Variants in PCDHGB1 observed in about 807,000 individuals in gnomAD.
PCDHGB1 encodes the protein protocadherin gamma subfamily B, 1.
In PCDHGB1, 34 loss-of-function variants were observed where a neutral mutation model predicts 56.6. The observed-to-expected ratio is 0.60, with a 90% confidence interval of 0.46 to 0.80. The LOEUF (loss-of-function observed/expected upper bound fraction) is 0.80. Among genes scored for constraint, PCDHGB1 ranks in the 30% least tolerant of loss-of-function variants. The pLI is 0.00. For missense variants in PCDHGB1, 1,278 were observed against 1,204.6 expected (o/e 1.06, Z -0.90); for synonymous variants, 561 against 505.9 (o/e 1.11, Z -1.46).
intron 1 of PCDHGB1, among the ~76,000 whole-genome samples, chr5:141,457,975 C>T (rs2098934043): frequency 6.6e-6 from 1 of 152,202 alleles, no homozygotes; most frequent in South Asian, 2.1e-4. Context: ...AAGGGAAACA[C>T]ACCCTTTCAG....
At chr5:141,469,804 T>C (rs1433459377) in intron 1 of PCDHGB1, among the ~76,000 whole-genome samples, 1 of 152,060 alleles carries the variant, frequency 6.6e-6, no homozygotes, top group Non-Finnish European at 1.5e-5. Context: ...TGCAAAAACA[T>C]TGTAGATAGA....
intron 1 of PCDHGB1, among the ~76,000 whole-genome samples, chr5:141,454,343 A>G (rs1161350416): frequency 2.6e-5 from 4 of 152,248 alleles, no homozygotes; most frequent in African/African-American, 7.2e-5. Flanking sequence ...AAATGTTGGA[A>G]GTTGATCCAA....
chr5:141,372,155 G>A (rs1257582169), intron 1 of PCDHGB1: 1 of 1,613,678 alleles, frequency 6.2e-7, no homozygotes, highest in Admixed American at 1.7e-5. Flanking sequence ...CTGGCTACCT[G>A]GTGACCAAGG....
intron 1 of PCDHGB1, among the ~76,000 whole-genome samples, chr5:141,494,397 A>G (rs965158973): frequency 7.2e-5 from 11 of 152,208 alleles, no homozygotes; most frequent in African/African-American, 2.4e-4. Flanking sequence ...GAATAAATTC[A>G]TTCTAGGGCT....
At chr5:141,360,197 T>C (rs777545270) in intron 1 of PCDHGB1, 1 of 1,612,462 alleles carries the variant, frequency 6.2e-7, no homozygotes, top group South Asian at 1.1e-5. Context: ...TTGCCCTTCC[T>C]GTTGTCTTTG....
In PCDHGB1 at chr5:141,491,169, G is replaced by A. The variant is rs374498014; in HGVS notation, c.2410-3638G>A. The A allele has an allele frequency of 1.2e-6, 2 of 1,614,192 alleles. No homozygotes were observed. Among genetic ancestry groups the A allele is most frequent in the African/African-American group, 1.3e-5 (1 of 75,058 alleles). On this transcript the variant is annotated intron_variant, in intron 1 of 3. Transcript: ENST00000523390. The surrounding 1 kb of genome is among the most constrained non-coding windows in gnomAD (Gnocchi z 6.9). ...TGGAGGATGACTCTGACACCCAGCA[G>A]GTGGTGGTCCTGGTGAGGGACAATG...
chr5:141,367,688 C>G (rs1765290329), intron 1 of PCDHGB1: 1 of 152,096 alleles, frequency 6.6e-6, no homozygotes, highest in Admixed American at 6.5e-5. Flanking sequence ...GAGAAGAAAT[C>G]AGTGTAAAGG....
chr5:141,462,009 G>A (rs2099028674), intron 1 of PCDHGB1, among the ~76,000 whole-genome samples: 1 of 152,190 alleles, frequency 6.6e-6, no homozygotes, highest in Admixed American at 6.5e-5. Context: ...TTTTAATAGA[G>A]ACGGGGTTTC....
At chr5:141,410,839 T>G in intron 1 of PCDHGB1, 2 of 481,442 alleles carry the variant, frequency 4.2e-6, no homozygotes, top group Non-Finnish European at 6.8e-6. Context: ...TGAAGATATT[T>G]TGTCTTTGTC....
intron 1 of PCDHGB1, chr5:141,394,523 C>T (rs373702756): frequency 5.0e-6 from 8 of 1,614,234 alleles, no homozygotes; most frequent in Non-Finnish European, 6.8e-6. Context: ...TCCCCACAGA[C>T]GGTTCCACTG....
chr5:141,507,861 C>G (rs538942097), intron 3 of PCDHGB1, among the ~76,000 whole-genome samples: 6 of 152,306 alleles, frequency 3.9e-5, no homozygotes, highest in South Asian at 4.1e-4. Flanking sequence ...CTTTCACACC[C>G]GCTTCCTAGC....
At chr5:141,371,362 A>T in intron 1 of PCDHGB1, 3 of 1,614,014 alleles carry the variant, frequency 1.9e-6, no homozygotes, top group Non-Finnish European at 2.5e-6. Flanking sequence ...GAAGCAAAGG[A>T]TGGTGGACAT....
At chr5:141,452,792 A>AT (rs745523252) in intron 1 of PCDHGB1, among the ~76,000 whole-genome samples, 15 of 152,178 alleles carry the variant, frequency 9.9e-5, no homozygotes, top group Admixed American at 2.0e-4. Context: ...ACATACCATC[A>AT]TTTTTGCTGT....
In PCDHGB1 at chr5:141,490,390, G is replaced by C. The variant is rs2099699651; in HGVS notation, c.2410-4417G>C. The C allele has an allele frequency of 6.2e-7, 1 of 1,614,074 alleles. No individual in the cohort carries two copies. The highest frequency in any genetic ancestry group is 8.5e-7 in the Non-Finnish European group (1 of 1,180,040). On this transcript the variant is annotated intron_variant, in intron 1 of 3. Coordinates refer to ENST00000523390, the MANE Select transcript of PCDHGB1 (RefSeq NM_018922.3). This position sits in a 1 kb window ranked among gnomAD's most constrained non-coding sequence, Gnocchi z 5.4. ...AGACCGGGACTCAGGTAGAAATGGT[G>C]AAGTGAGCCTTGATATCTCTCCGGA... is the stretch of plus-strand genomic sequence containing the variant.
intron 1 of PCDHGB1, chr5:141,421,903 G>A (rs757656265): frequency 6.2e-6 from 10 of 1,613,704 alleles, no homozygotes; most frequent in African/African-American, 1.3e-5. Flanking sequence ...CCGAAAGGGC[G>A]CAGTTCCCAT....
chr5:141,394,514 C>G (rs2093021412), intron 1 of PCDHGB1: 2 of 1,614,230 alleles, frequency 1.2e-6, no homozygotes, highest in South Asian at 1.1e-5. Context: ...ACCCCGCCCT[C>G]CCCACAGACG....
intron 3 of PCDHGB1, among the ~76,000 whole-genome samples, chr5:141,510,415 C>G (rs2099881071): frequency 6.6e-6 from 1 of 152,082 alleles, no homozygotes; most frequent in Admixed American, 6.5e-5. Flanking sequence ...GCATGTAAAG[C>G]CATGGTTTCA....
intron 1 of PCDHGB1, chr5:141,418,511 G>A: frequency 5.6e-6 from 9 of 1,613,974 alleles, no homozygotes; most frequent in Non-Finnish European, 7.6e-6. Context: ...CTTAGATGGT[G>A]GGGACCCTCC....
chr5:141,397,248 T>C (rs2093496152), intron 1 of PCDHGB1, among the ~76,000 whole-genome samples: 1 of 152,168 alleles, frequency 6.6e-6, no homozygotes, highest in South Asian at 2.1e-4. Flanking sequence ...CGTAGTAGGG[T>C]ATATCATTTC....
Sources: gnomAD v4.1 joint callset for allele counts (sites outside exome capture counted in the v4.1 genomes callset) on GRCh38, gnomAD v4.1.1 for gene constraint, Gnocchi (gnomAD v3.1) non-coding constraint, MANE v1.5 for transcripts, NCBI Gene and HGNC (gene_info 2026-07-23, HGNC 2026-07-21) for gene names.